The following CENPP variants were observed in gnomAD, a reference collection of about 807,000 sequenced individuals.
The protein encoded by CENPP is centromere protein P.
CENPP carries 24 observed loss-of-function variants against 35.6 expected under a neutral mutation model. That is an observed-to-expected ratio of 0.67 (90% CI 0.49 to 0.95). The LOEUF is 0.95. Among genes scored for constraint, CENPP ranks in the 40% least tolerant of loss-of-function variants. CENPP has a pLI of 0.00. For missense variants in CENPP, 332 were observed against 345.3 expected, an observed-to-expected ratio of 0.96 and a Z score of 0.31; for synonymous variants, 120 against 125.5, an observed-to-expected ratio of 0.96 and a Z score of 0.29.
At chr9:92,486,107 G>A (rs1846051801) in intron 5 of CENPP, among the ~76,000 whole-genome samples, 1 of 152,206 alleles carries the variant, frequency 6.6e-6, no homozygotes, top group South Asian at 2.1e-4. Flanking sequence ...GGGTGGGGGT[G>A]TCAAGGGTGC....
intron 5 of CENPP, among the ~76,000 whole-genome samples, chr9:92,471,815 A>T (rs545248282): frequency 1.3e-5 from 2 of 152,014 alleles, no homozygotes; most frequent in South Asian, 4.2e-4. Flanking sequence ...GTGTACCACC[A>T]TGCCTGGCTA....
intron 5 of CENPP, chr9:92,385,766 C>G (rs1408615190): frequency 6.2e-7 from 1 of 1,613,954 alleles, no homozygotes; most frequent in South Asian, 1.1e-5. Flanking sequence ...AATGTGTCAT[C>G]TGTAATTGAA....
intron 5 of CENPP, among the ~76,000 whole-genome samples, chr9:92,531,685 A>G (rs1187713314): frequency 2.0e-5 from 3 of 152,094 alleles, no homozygotes; most frequent in Non-Finnish European, 2.9e-5. Context: ...CCGCCCCTCA[A>G]TTGAGAACCA....
rs562134010 is a variant in CENPP at position 92,445,102 on chromosome 9, A to T, written c.564+65243A>T. On this transcript the variant is annotated intron_variant, in intron 5 of 7. Coordinates refer to ENST00000375587, the MANE Select transcript of CENPP (RefSeq NM_001012267.3). The stretch of plus-strand genomic sequence containing the variant: ...TTCTGCACTAAACCCTCTGGGCTCC[A>T]CACCAGCTGGAGTTCTGTGCCTACC... Among the ~76,000 whole-genome samples the T allele has an allele frequency of 3.9e-5, 6 of 152,214 alleles. No individual in the cohort carries two copies. In the South Asian group the frequency reaches 1.2e-3, roughly 32 times the overall value.
chr9:92,619,565 C>G lies in CENPP; in HGVS notation c.*6416C>G, dbSNP rs1200757375. On this transcript the variant is annotated 3_prime_UTR_variant, in exon 8 of 8. Transcript: ENST00000375587. ...GTCATGGCGACGCGGTACTGCTGCA[C>G]CTGCAGGGGCGGGAAAGATCAGCTC... 4 of 1,577,266 alleles carry G rather than the reference C, an allele frequency of 2.5e-6. No homozygotes were observed. The highest frequency in any genetic ancestry group is 3.4e-6 in the Non-Finnish European group (4 of 1,161,212).
At chr9:92,503,342 G>A (rs1846800936) in intron 5 of CENPP, among the ~76,000 whole-genome samples, 1 of 152,148 alleles carries the variant, frequency 6.6e-6, no homozygotes, top group Admixed American at 6.5e-5. Flanking sequence ...GGAGAGACAG[G>A]GAAGCCCACC....
At chr9:92,453,077 G>T (rs1298023623) in intron 5 of CENPP, among the ~76,000 whole-genome samples, 1 of 149,752 alleles carries the variant, frequency 6.7e-6, no homozygotes, top group Non-Finnish European at 1.5e-5. Flanking sequence ...TTTTTTGAAG[G>T]GTTTTTTATG....
At chr9:92,373,818 C>G (rs1211687152) in intron 4 of CENPP, among the ~76,000 whole-genome samples, 3 of 152,032 alleles carry the variant, frequency 2.0e-5, no homozygotes, top group African/African-American at 4.8e-5. Flanking sequence ...GAGTAAGACT[C>G]CATCTCAAAA....
chr9:92,332,085 A>T, intron 1 of CENPP, 85 bp from the exon 2 acceptor site: 1 of 782,984 alleles, frequency 1.3e-6, no homozygotes, highest in Non-Finnish European at 1.9e-6. Flanking sequence ...GAGGGACAAA[A>T]TGGGAATGCT....
At chr9:92,430,858 C>T (rs1471833367) in intron 5 of CENPP, among the ~76,000 whole-genome samples, 3 of 152,022 alleles carry the variant, frequency 2.0e-5, no homozygotes, top group Admixed American at 6.6e-5. Flanking sequence ...TGCAGTGGCA[C>T]GATCTCGGCT....
intron 2 of CENPP, among the ~76,000 whole-genome samples, chr9:92,336,486 G>C (rs1300667743): frequency 6.6e-6 from 1 of 152,120 alleles, no homozygotes; most frequent in Non-Finnish European, 1.5e-5. Flanking sequence ...GCTCTACCAG[G>C]TCACTTTCAT....
intron 5 of CENPP, among the ~76,000 whole-genome samples, chr9:92,599,999 A>G (rs553674680): frequency 5.5e-4 from 84 of 152,342 alleles, no homozygotes; most frequent in African/African-American, 1.8e-3. Flanking sequence ...CAAAGGGCCA[A>G]GGAGTAACTG....
At position 92,618,516 on chromosome 9, in the gene CENPP, T is replaced by C. The variant is rs1490775405; in HGVS notation, c.*5367T>C. 8.8e-6 allele frequency: 4 copies of C among 456,604 alleles called. No individual in the cohort carries two copies. The Admixed American group carries it at 9.4e-5, about 11-fold the overall frequency. The allele number at this position is 456,604 out of a possible 1,614,324, so 28.3% of individuals were successfully genotyped here. A position where few individuals can be genotyped will look rare whatever the true frequency, so the allele number is the denominator to read the frequency against. On this transcript the variant is annotated 3_prime_UTR_variant, in exon 8 of 8. Transcript: ENST00000375587. ...TCCAAGCACATTTCCATTGCCCAGC[T>C]GCATCCTTGGTCGGGGGGCTGCTGA...
intron 3 of CENPP, among the ~76,000 whole-genome samples, chr9:92,341,230 A>C (rs1841107725): frequency 6.6e-6 from 1 of 152,176 alleles, no homozygotes; most frequent in South Asian, 2.1e-4. Flanking sequence ...TATCAATGAC[A>C]ATGGTACCTG....
chr9:92,592,732 T>C (rs1287572497), intron 5 of CENPP, among the ~76,000 whole-genome samples: 1 of 152,182 alleles, frequency 6.6e-6, no homozygotes, highest in Admixed American at 6.5e-5. Flanking sequence ...TCACCAGCAG[T>C]GTATGAGGGT....
At chr9:92,454,402 C>G (rs1397370102) in intron 5 of CENPP, among the ~76,000 whole-genome samples, 1 of 152,008 alleles carries the variant, frequency 6.6e-6, no homozygotes, top group African/African-American at 2.4e-5. Flanking sequence ...TTATTCTAAC[C>G]TTAGTATTTA....
Position 92,379,840 on chromosome 9 carries a change from G to A in CENPP, c.545G>A (p.Arg182His), listed in dbSNP as rs112987350. The change falls in exon 5 of 8, where the codon CGC (arginine) becomes CAC (histidine). Residue 182 changes from arginine to histidine, a missense_variant. By Grantham distance (29) the Arg-to-His change is conservative. Coordinates refer to ENST00000375587, the MANE Select transcript of CENPP (RefSeq NM_001012267.3). ...GTGGAGTGGTTTGAATATCGTAAGC[G>A]CACGTTTAAACATCTCAAGGTAAAG... ...FFVEWFEYRK[R>H]TFKHLKEKYP... is the part of the protein sequence containing the mutation. 1,478 of 1,610,214 alleles carry A rather than the reference G, an allele frequency of 9.2e-4. 2 individuals are homozygous for A. Among genetic ancestry groups the A allele is most frequent in the Non-Finnish European group, 1.1e-3 (1,290 of 1,176,564 alleles).
chr9:92,419,851 G>C (rs2761680), intron 5 of CENPP, among the ~76,000 whole-genome samples: 135,607 of 152,214 alleles, frequency 0.89, 60,559 homozygotes, highest in East Asian at 0.95. Flanking sequence ...TCCTGTTCAT[G>C]TAGAATGGTT....
At chr9:92,325,831 G>A, upstream of CENPP, 4 of 565,574 alleles carry the variant, frequency 7.1e-6, no homozygotes, top group Non-Finnish European at 1.2e-5. Flanking sequence ...CGAGAGCGGA[G>A]TTGGACGTGC....
Sources: allele counts gnomAD v4.1 joint callset (sites outside exome capture counted in the v4.1 genomes callset), GRCh38; gene constraint gnomAD v4.1.1; transcripts MANE v1.5; gene names NCBI Gene and HGNC (gene_info 2026-07-23, HGNC 2026-07-21).